The following ANKS1B variants were observed in gnomAD, a reference collection of about 807,000 sequenced individuals.
ANKS1B encodes the protein ankyrin repeat and sterile alpha motif domain containing 1B.
ANKS1B carries 36 observed loss-of-function variants against 148.3 expected under a neutral mutation model. The observed-to-expected ratio is 0.24, with a 90% CI of 0.19 to 0.32. ANKS1B has a LOEUF of 0.32. Among genes scored for constraint, ANKS1B ranks in the 10% least tolerant of loss-of-function variants. The pLI is 1.00. For synonymous variants in ANKS1B, 542 were observed against 560.8 expected (o/e 0.97, Z 0.47); for missense variants, 1,157 against 1,542.6 (o/e 0.75, Z 4.19).
intron 17 of ANKS1B, among the ~76,000 whole-genome samples, chr12:98,977,758 C>A (rs952552160): frequency 6.6e-6 from 1 of 152,094 alleles, no homozygotes; most frequent in African/African-American, 2.4e-5. Flanking sequence ...GTGTTTATGT[C>A]ACTGTAAAAC....
At chr12:98,976,979 T>C (rs528870596) in intron 17 of ANKS1B, among the ~76,000 whole-genome samples, 1 of 152,314 alleles carries the variant, frequency 6.6e-6, no homozygotes, top group Admixed American at 6.5e-5. Flanking sequence ...CAAGGTTAGA[T>C]TGGAAGGAAG....
In ANKS1B at chr12:99,076,535, C is replaced by T. The variant is rs185806143; in HGVS notation, c.2625+8390G>A. 2.6e-3 allele frequency among the ~76,000 whole-genome samples: 399 copies of T among 152,192 alleles called. 2 individuals carry two copies. The highest frequency in any genetic ancestry group is 9.1e-3 in the African/African-American group (378 of 41,530). ...TATTGATTGAAATAAGTGCTGAACA[C>T]TGAATAGCATATAGTCCCATGAAGA... On this transcript the variant is annotated intron_variant, in intron 16 of 26. Transcript: ENST00000683438.
intron 11 of ANKS1B, among the ~76,000 whole-genome samples, chr12:99,434,770 T>A (rs2095432563): frequency 6.6e-6 from 1 of 152,122 alleles, no homozygotes; most frequent in Non-Finnish European, 1.5e-5. Flanking sequence ...GGGGTACATG[T>A]GCATCTATGC....
chr12:99,106,992 T>C (rs1002098124), intron 15 of ANKS1B, among the ~76,000 whole-genome samples: 1 of 152,156 alleles, frequency 6.6e-6, no homozygotes, highest in Non-Finnish European at 1.5e-5. Context: ...ACGTCTGCTC[T>C]AGCTGCAATG....
At chr12:99,544,517 C>A (rs1185905188) in intron 9 of ANKS1B, among the ~76,000 whole-genome samples, 1 of 152,104 alleles carries the variant, frequency 6.6e-6, no homozygotes, top group African/African-American at 2.4e-5. Context: ...AACAAAATGT[C>A]CTGTGTAAAA....
intron 10 of ANKS1B, among the ~76,000 whole-genome samples, chr12:99,475,241 T>A: frequency 6.7e-6 from 1 of 148,638 alleles, no homozygotes. Context: ...TCAGACTCTG[T>A]TTCAAAAAAA....
At chr12:98,858,556 T>C (rs2099583424) in intron 17 of ANKS1B, among the ~76,000 whole-genome samples, 1 of 152,160 alleles carries the variant, frequency 6.6e-6, no homozygotes, top group Non-Finnish European at 1.5e-5. Flanking sequence ...CCCAGGCTGG[T>C]CTTGAATTCC....
At chr12:98,895,838 C>T (rs535865659) in intron 17 of ANKS1B, among the ~76,000 whole-genome samples, 1 of 152,194 alleles carries the variant, frequency 6.6e-6, no homozygotes, top group Admixed American at 6.5e-5. Context: ...CAATTAAATC[C>T]GACCTTAAAT....
chr12:99,173,068 G>A (rs2077965881), intron 14 of ANKS1B, among the ~76,000 whole-genome samples: 1 of 152,124 alleles, frequency 6.6e-6, no homozygotes, highest in Non-Finnish European at 1.5e-5. Flanking sequence ...AACTCATCAG[G>A]AAACTCTGGT....
chr12:99,506,886 A>C (rs1385403832), intron 9 of ANKS1B, among the ~76,000 whole-genome samples: 1 of 152,030 alleles, frequency 6.6e-6, no homozygotes, highest in Admixed American at 6.6e-5. Context: ...TCTGCTGATA[A>C]AATTGTGGAT....
At chr12:99,225,712 T>C (rs969293758) in intron 14 of ANKS1B, among the ~76,000 whole-genome samples, 2 of 152,264 alleles carry the variant, frequency 1.3e-5, no homozygotes, top group South Asian at 4.1e-4. Context: ...TCTTCAGCTT[T>C]GGACTCTTGG....
intron 8 of ANKS1B, among the ~76,000 whole-genome samples, chr12:99,704,561 C>T (rs73143679): frequency 0.036 from 5,228 of 147,054 alleles, 137 homozygotes; most frequent in Non-Finnish European, 0.051. Flanking sequence ...TATATGCATA[C>T]ACATACATAT....
intron 9 of ANKS1B, among the ~76,000 whole-genome samples, chr12:99,601,676 A>G (rs1341963094): frequency 3.3e-5 from 5 of 152,096 alleles, no homozygotes; most frequent in African/African-American, 1.2e-4. Context: ...GTTTTGCATG[A>G]CACAATACCC....
At chr12:98,860,514 G>A (rs948207579) in intron 17 of ANKS1B, among the ~76,000 whole-genome samples, 12 of 152,242 alleles carry the variant, frequency 7.9e-5, no homozygotes, top group African/African-American at 2.6e-4. Flanking sequence ...AATAAAAAAA[G>A]AGCCAGACAT....
chr12:99,479,504 G>C (rs1228793159), intron 10 of ANKS1B, among the ~76,000 whole-genome samples: 1 of 152,002 alleles, frequency 6.6e-6, no homozygotes, highest in Non-Finnish European at 1.5e-5. Context: ...GATGGATACA[G>C]AAAATGTGGC....
chr12:99,349,070 G>C (rs1482329104), intron 12 of ANKS1B, among the ~76,000 whole-genome samples: 1 of 151,814 alleles, frequency 6.6e-6, no homozygotes, highest in African/African-American at 2.4e-5. Flanking sequence ...TTAAAGCAGA[G>C]TTTTATATAC....
intron 9 of ANKS1B, among the ~76,000 whole-genome samples, chr12:99,640,445 C>T (rs530610929): frequency 5.9e-5 from 9 of 152,134 alleles, no homozygotes; most frequent in African/African-American, 2.2e-4. Context: ...GAGGACTTTG[C>T]CCTCATGAAT....
intron 17 of ANKS1B, among the ~76,000 whole-genome samples, chr12:98,972,229 A>G (rs12300206): frequency 0.18 from 27,598 of 152,198 alleles, 2,689 homozygotes; most frequent in African/African-American, 0.23. Context: ...GGTATTAGCC[A>G]TTTCATTGCA....
intron 8 of ANKS1B, among the ~76,000 whole-genome samples, chr12:99,739,466 T>A (rs1325311698): frequency 2.6e-5 from 4 of 152,088 alleles, no homozygotes; most frequent in African/African-American, 9.7e-5. Flanking sequence ...AGGGACTAAC[T>A]GTATAAGCTT....
Sources: allele counts gnomAD v4.1 joint callset (sites outside exome capture counted in the v4.1 genomes callset), GRCh38; gene constraint gnomAD v4.1.1; transcripts MANE v1.5; gene names NCBI Gene and HGNC (gene_info 2026-07-23, HGNC 2026-07-21).